Variants in NDC1 observed in about 807,000 individuals in gnomAD.
NDC1 encodes nucleoporin NDC1.
In NDC1, 24 loss-of-function variants were observed where a neutral mutation model predicts 89.8. That is an observed-to-expected ratio of 0.27 (90% CI 0.19 to 0.38). The LOEUF (loss-of-function observed/expected upper bound fraction) is 0.38, where lower values mean the gene tolerates loss of function less well. NDC1 is among the 10% of genes least tolerant of loss of function. The pLI is 1.00. For synonymous variants in NDC1, 296 were observed against 284.8 expected (o/e 1.04, Z -0.39); for missense variants, 728 against 797.6 (o/e 0.91, Z 1.05).
intron 3 of NDC1, among the ~76,000 whole-genome samples, chr1:53,828,873 A>G (rs1648963690): frequency 6.6e-6 from 1 of 152,092 alleles, no homozygotes. Flanking sequence ...TGGCCTCCCA[A>G]AGTGTTGGGA....
chr1:53,784,775 A>G (rs946563620), intron 16 of NDC1, among the ~76,000 whole-genome samples: 3 of 151,112 alleles, frequency 2.0e-5, no homozygotes, highest in Non-Finnish European at 4.4e-5. Context: ...TGGGCGAAAG[A>G]GCGAGACTCT....
rs936680563 is a variant in NDC1, at chr1:53,825,703, T to C, written c.594+95A>G. 3.8e-6 allele frequency: 4 copies of C among 1,040,796 alleles called. No individual in the cohort carries two copies. In the African/African-American group the frequency reaches 5.0e-5, roughly 13 times the overall value. 64.5% of individuals were successfully genotyped at this position (1,040,796 alleles called of 1,614,324 possible). The stretch of plus-strand genomic sequence containing the variant: ...GTTCTAAGTGTTGGTTATCAAATCT[T>C]GAATGAATCAGATAAATCCAGTTAT... On this transcript the variant is annotated intron_variant, in intron 5 of 17. Transcript: ENST00000371429.
intron 16 of NDC1, among the ~76,000 whole-genome samples, 191 bp from the exon 17 acceptor site, chr1:53,772,680 A>ACATAC (rs1237866606): frequency 2.0e-5 from 3 of 150,918 alleles, no homozygotes; most frequent in African/African-American, 7.4e-5. Context: ...ACATAACATA[A>ACATAC]CATAACATAA....
At chr1:53,824,999 C>G (rs962995459) in intron 5 of NDC1, among the ~76,000 whole-genome samples, 8 of 151,996 alleles carry the variant, frequency 5.3e-5, no homozygotes, top group Non-Finnish European at 1.2e-4. Flanking sequence ...CATGGAGAAA[C>G]CCCATCTCTA....
intron 5 of NDC1, among the ~76,000 whole-genome samples, chr1:53,822,737 T>A (rs1648715388): frequency 6.6e-6 from 1 of 151,918 alleles, no homozygotes; most frequent in Non-Finnish European, 1.5e-5. Flanking sequence ...GCATCAAAAA[T>A]AATGATGATA....
At chr1:53,797,869 C>T (rs938976152) in intron 11 of NDC1, among the ~76,000 whole-genome samples, 1 of 152,072 alleles carries the variant, frequency 6.6e-6, no homozygotes, top group Non-Finnish European at 1.5e-5. Context: ...TCAAGTAATC[C>T]TCCTGCACTG....
chr1:53,814,310 G>A (rs568325421), intron 6 of NDC1, among the ~76,000 whole-genome samples: 161 of 152,218 alleles, frequency 1.1e-3, no homozygotes, highest in African/African-American at 3.7e-3. Context: ...AGTCAAGATC[G>A]CGCCATCGCA....
At position 53,807,777 on chromosome 1, in the gene NDC1, G is replaced by C; in HGVS notation, c.770C>G (p.Pro257Arg). The change falls in exon 8 of 18, where the codon CCA (proline) becomes CGA (arginine). Residue 257 changes from proline (P) to arginine (R), a missense_variant. Transcript: ENST00000371429. ...TAAGAGGCCACTCACTGTGTCAAGT[G>C]GCCTATGAACCTGCCTGTGAATGCA... The part of the protein sequence containing the change: ...NLHIDEQVHR[P>R]LDTVSGLLNL... 6.2e-7 allele frequency: 1 copy of C among 1,607,790 alleles called. No homozygotes were observed.
intron 1 of NDC1, among the ~76,000 whole-genome samples, chr1:53,837,856 T>C (rs963999613): frequency 3.3e-5 from 5 of 152,190 alleles, no homozygotes; most frequent in Admixed American, 1.3e-4. Flanking sequence ...ATTCCGTGCA[T>C]TCCTTCCCAC....
intron 16 of NDC1, among the ~76,000 whole-genome samples, chr1:53,775,397 C>CA (rs1476607359): frequency 2.7e-4 from 41 of 152,024 alleles, no homozygotes; most frequent in Admixed American, 2.6e-3. Context: ...GCTGGGATTA[C>CA]AGGCGCCCGC....
chr1:53,834,379 C>T (rs1649162528), intron 2 of NDC1, among the ~76,000 whole-genome samples: 3 of 152,222 alleles, frequency 2.0e-5, no homozygotes, highest in Admixed American at 2.0e-4. Flanking sequence ...CCTGTGCTGG[C>T]TTATGGCTTA....
intron 16 of NDC1, among the ~76,000 whole-genome samples, chr1:53,774,628 C>CT (rs1647146702): frequency 3.9e-5 from 6 of 152,206 alleles, no homozygotes; most frequent in South Asian, 2.1e-4. Context: ...ATGGCTCACA[C>CT]TTGTAATCCC....
At position 53,817,182 on chromosome 1, in the gene NDC1, T is replaced by C. The variant is rs1047314921; in HGVS notation, c.703+1789A>G. Among the ~76,000 whole-genome samples, 9 of 152,272 alleles carry C rather than the reference T, an allele frequency of 5.9e-5. 1 individual carries two copies. The highest frequency in any genetic ancestry group is 1.9e-4 in the African/African-American group (8 of 41,570). ...AGAAGTCATTATTCAAAAAGGATAC[T>C]TGCACACACATATGTATAGCAGCAC... On this transcript the variant is annotated intron_variant, in intron 6 of 17. Transcript: ENST00000371429.
intron 9 of NDC1, among the ~76,000 whole-genome samples, chr1:53,805,062 T>C (rs1648055390): frequency 6.6e-6 from 1 of 152,240 alleles, no homozygotes; most frequent in Non-Finnish European, 1.5e-5. Flanking sequence ...TAACTGATAC[T>C]TTTAAGTTTC....
Position 53,835,527 on chromosome 1 carries a change from A to T in NDC1, c.151T>A (p.Leu51Met). ...TVFIIFSRID[L>M]FHPIQWLSDS... ...GACAGCCACTGTATAGGATGAAACAAATCAATCCTGCTGAAAATTATAAAT... is the reference window on the plus strand; with the variant it reads ...GACAGCCACTGTATAGGATGAAACATATCAATCCTGCTGAAAATTATAAAT... Residue 51 changes from leucine to methionine, a missense_variant, in exon 2 of 18, where the codon TTG (leucine) becomes ATG (methionine). Leu to Met is a conservative substitution (Grantham distance 15, BLOSUM62 2). Coordinates refer to ENST00000371429, the MANE Select transcript of NDC1 (RefSeq NM_018087.5). 6.2e-7 allele frequency: 1 copy of T among 1,613,696 alleles called. No homozygotes were observed. The highest frequency in any genetic ancestry group is 8.5e-7 in the Non-Finnish European group (1 of 1,179,714).
chr1:53,801,104 AC>A (rs1312457459), intron 10 of NDC1, among the ~76,000 whole-genome samples: 1,880 of 151,118 alleles, frequency 0.012, 50 homozygotes, highest in African/African-American at 0.043. Context: ...AAAAAAAAAA[AC>A]AAAAAACCTC....
At chr1:53,792,962 G>GGTCT (rs976987785) in intron 14 of NDC1, among the ~76,000 whole-genome samples, 6 of 152,324 alleles carry the variant, frequency 3.9e-5, no homozygotes, top group Admixed American at 3.9e-4. Flanking sequence ...AGCAGGAAGG[G>GGTCT]GTCTGTGTTG....
In NDC1 at chr1:53,792,092, A is replaced by G. The variant is rs545235935; in HGVS notation, c.1635+1137T>C. Among the ~76,000 whole-genome samples the G allele has an allele frequency of 4.0e-5, 6 of 151,818 alleles. No homozygotes were observed. In the South Asian group the frequency reaches 8.3e-4, roughly 21 times the overall value. The stretch of plus-strand genomic sequence containing the variant: ...CGAGTAGCTGGGACCACAGGCGCCC[A>G]CCACTGCGCCTGGCTAATTTTTTGT... On this transcript the variant is annotated intron_variant, in intron 14 of 17. Transcript: ENST00000371429.
At position 53,818,650 on chromosome 1, in the gene NDC1, T is replaced by C. The variant is rs146381565; in HGVS notation, c.703+321A>G. 4.6e-5 allele frequency among the ~76,000 whole-genome samples: 7 copies of C among 152,308 alleles called. No homozygotes were observed. The East Asian group carries it at 1.4e-3, about 29-fold the overall frequency. On this transcript the variant is annotated intron_variant, in intron 6 of 17. Coordinates refer to ENST00000371429, the MANE Select transcript of NDC1 (RefSeq NM_018087.5). ...GACTATTTTAGATACCTCATATAAG[T>C]GGAATCATACAGTATTTGTCTTTTT...
Sources: allele counts gnomAD v4.1 joint callset (sites outside exome capture counted in the v4.1 genomes callset), GRCh38; gene constraint gnomAD v4.1.1; transcripts MANE v1.5; gene names NCBI Gene and HGNC (gene_info 2026-07-23, HGNC 2026-07-21).